NAA16: variants seen among roughly 807,000 people sequenced by gnomAD.
The protein encoded by NAA16 is N-alpha-acetyltransferase 16, NatA auxiliary subunit, also known as NARG1-like protein.
A neutral mutation model predicts 110.3 loss-of-function variants in NAA16; 97 were observed. The ratio of observed to expected loss-of-function variants is 0.88; its 90% CI spans 0.75 to 1.04. The LOEUF (loss-of-function observed/expected upper bound fraction) is 1.04, where lower values mean the gene tolerates loss of function less well. Among genes scored for constraint, NAA16 ranks in the 50% least tolerant of loss-of-function variants. The pLI, the probability that NAA16 is intolerant of heterozygous loss-of-function variation, is 0.00. For synonymous variants in NAA16, 372 were observed against 330.6 expected, an observed-to-expected ratio of 1.13 and a Z score of -1.36; for missense variants, 1,017 against 1,005.1, an observed-to-expected ratio of 1.01 and a Z score of -0.16.
At chr13:41,315,327 C>T (rs531093379) in intron 1 of NAA16, among the ~76,000 whole-genome samples, 1 of 152,252 alleles carries the variant, frequency 6.6e-6, no homozygotes, top group South Asian at 2.1e-4. Flanking sequence ...CCCAGTGTGA[C>T]TGAACAATGT....
rs115014829 is a variant in NAA16, at chr13:41,355,834, C to A, written c.1087+618C>A. 3.7e-3 allele frequency among the ~76,000 whole-genome samples: 568 copies of A among 152,300 alleles called. 3 individuals carry two copies. The highest frequency in any genetic ancestry group is 0.013 in the African/African-American group (551 of 41,558). ...CCTGTTTTTCCTGAATCCCTAAATTCTCTGCTTTTTCTACCCTCTTATTAC... is the reference window on the plus strand; with the variant it reads ...CCTGTTTTTCCTGAATCCCTAAATTATCTGCTTTTTCTACCCTCTTATTAC... On this transcript the variant is annotated intron_variant, in intron 10 of 19. Coordinates refer to ENST00000379406, the MANE Select transcript of NAA16 (RefSeq NM_024561.5).
At chr13:41,330,448 A>G (rs942785965) in intron 7 of NAA16, among the ~76,000 whole-genome samples, 1 of 152,040 alleles carries the variant, frequency 6.6e-6, no homozygotes, top group African/African-American at 2.4e-5. Context: ...GGTTTAGACC[A>G]CAGAATTTGG....
chr13:41,372,778 T>C lies in NAA16; in HGVS notation c.2103T>C (p.Ile701=). The C allele has an allele frequency of 3.7e-6, 6 of 1,604,898 alleles. No individual in the cohort carries two copies. In the East Asian group the frequency reaches 1.3e-4, roughly 36 times the overall value. Residue 701 remains isoleucine, a synonymous_variant, in exon 17 of 20, where the codon ATT becomes ATC. Coordinates refer to ENST00000379406, the MANE Select transcript of NAA16 (RefSeq NM_024561.5). ...MLQSVKRAFA[I]NSNNPWLHEC... is the part of the protein sequence containing the mutation. ...AGTCTGTCAAACGAGCTTTTGCCAT[T>C]AACAGTAATAACCCATGGTTACATG...
intron 5 of NAA16, among the ~76,000 whole-genome samples, chr13:41,324,862 G>A (rs570697552): frequency 1.3e-5 from 2 of 150,604 alleles, no homozygotes; most frequent in South Asian, 4.2e-4. Context: ...GTATACCACT[G>A]TGCCTGACAA....
chr13:41,349,155 G>T (rs1239576264), intron 9 of NAA16, among the ~76,000 whole-genome samples: 3 of 151,418 alleles, frequency 2.0e-5, no homozygotes, highest in Non-Finnish European at 3.0e-5. Context: ...GGTTTAATTT[G>T]GTCTTTTTTC....
intron 9 of NAA16, among the ~76,000 whole-genome samples, chr13:41,350,596 A>G (rs1593487466): frequency 8.6e-6 from 1 of 115,746 alleles, no homozygotes; most frequent in East Asian, 2.5e-4. Flanking sequence ...GCGCCCTGCC[A>G]GTTTTTTTTT....
At position 41,320,812 on chromosome 13, in the gene NAA16, T is replaced by G. The variant is rs764009361; in HGVS notation, c.390T>G (p.Leu130=). Residue 130 remains leucine (L), a synonymous_variant, in exon 4 of 20, where the codon CTT becomes CTG. Transcript: ENST00000379406. The stretch of plus-strand genomic sequence containing the variant: ...TGTTGCAGATCCAAATGAGAGACCT[T>G]GAAGGTTACCGAGTAAGTACTTCAT... ...LSLLQIQMRD[L]EGYRETRYQL... is the part of the protein sequence containing the mutation. 1.1e-5 allele frequency: 18 copies of G among 1,604,088 alleles called. No individual in the cohort carries two copies. Among genetic ancestry groups the G allele is most frequent in the Non-Finnish European group, 1.4e-5 (16 of 1,177,260 alleles).
intron 13 of NAA16, among the ~76,000 whole-genome samples, chr13:41,365,727 G>A (rs2043195377): frequency 6.6e-6 from 1 of 152,184 alleles, no homozygotes; most frequent in South Asian, 2.1e-4. Context: ...ATTTATGGAA[G>A]ACATTAACTG....
At chr13:41,330,006 T>A (rs1408664081) in intron 7 of NAA16, among the ~76,000 whole-genome samples, 1 of 129,322 alleles carries the variant, frequency 7.7e-6, no homozygotes, top group East Asian at 2.3e-4. Context: ...TACGGCTTGT[T>A]ATATCTAGGG....
chr13:41,340,052 T>C lies in NAA16; in HGVS notation c.1014+3296T>C, dbSNP rs201342193. The stretch of plus-strand genomic sequence containing the variant: ...TGTTCTTGTCTTTTATAAATAAGAA[T>C]AAAATATTACTAAAAATATATTTAT... On this transcript the variant is annotated intron_variant, in intron 9 of 19. Coordinates refer to ENST00000379406, the MANE Select transcript of NAA16 (RefSeq NM_024561.5). Among the ~76,000 whole-genome samples the C allele has an allele frequency of 3.1e-4, 47 of 152,252 alleles. No homozygotes were observed. The East Asian group carries it at 4.8e-3, about 16-fold the overall frequency.
intron 9 of NAA16, among the ~76,000 whole-genome samples, chr13:41,343,275 A>T (rs2042599993): frequency 6.6e-6 from 1 of 152,072 alleles, no homozygotes; most frequent in African/African-American, 2.4e-5. Context: ...TAATTTGTAG[A>T]GATGGGGTCT....
intron 9 of NAA16, among the ~76,000 whole-genome samples, chr13:41,341,242 A>G (rs563915207): frequency 2.6e-5 from 4 of 152,324 alleles, no homozygotes; most frequent in African/African-American, 4.8e-5. Context: ...AGATTTCAGT[A>G]TCTTTCATGC....
intron 9 of NAA16, among the ~76,000 whole-genome samples, chr13:41,342,214 T>G (rs2042570603): frequency 6.6e-6 from 1 of 151,194 alleles, no homozygotes; most frequent in South Asian, 2.1e-4. Flanking sequence ...CTCGGCTCAC[T>G]GCAACTTCCG....
rs1411708094 is a variant in NAA16 at position 41,373,563 on chromosome 13, G to C, written c.2156-74G>C. ...GTGAGCCACCGCGCCCAGCCATAAA[G>C]GGTTTTCAGTAGGTTTTTTTTTTTT... On this transcript the variant is annotated intron_variant, in intron 17 of 19. Transcript: ENST00000379406. 11 of 1,466,330 alleles carry C rather than the reference G, an allele frequency of 7.5e-6. No homozygotes were observed. In the African/African-American group the frequency reaches 8.7e-5, roughly 12 times the overall value. The allele number at this position is 1,466,330 out of a possible 1,614,324, so 90.8% of individuals were successfully genotyped here.
rs536627972 is a variant in NAA16, at chr13:41,368,098, C to G, written c.1753+446C>G. 2.6e-3 allele frequency among the ~76,000 whole-genome samples: 392 copies of G among 152,002 alleles called. 2 individuals are homozygous for G. Among genetic ancestry groups the G allele is most frequent in the African/African-American group, 9.0e-3 (375 of 41,504 alleles). ...TGTCTGTGGACTAGTTTTTTTCTTT[C>G]TTTTTTAAAAAATTGTAACTGAAAA... On this transcript the variant is annotated intron_variant, in intron 14 of 19. Transcript: ENST00000379406.
At chr13:41,362,350 T>A in intron 13 of NAA16, 191 bp downstream of exon 13, 1 of 534,112 alleles carries the variant, frequency 1.9e-6, no homozygotes, top group Middle Eastern at 5.1e-4. Flanking sequence ...GTGATTATGC[T>A]TTTGACATGT....
intron 9 of NAA16, among the ~76,000 whole-genome samples, chr13:41,354,172 A>G (rs1055906315): frequency 6.6e-6 from 1 of 152,220 alleles, no homozygotes; most frequent in Non-Finnish European, 1.5e-5. Context: ...CGTATACTGC[A>G]GCATCATGTG....
At chr13:41,313,476 A>C (rs1455397339) in intron 1 of NAA16, among the ~76,000 whole-genome samples, 3 of 152,238 alleles carry the variant, frequency 2.0e-5, no homozygotes, top group Non-Finnish European at 1.5e-5. Context: ...AATGTGGGTA[A>C]AATTTGGCTA....
At chr13:41,324,598 AC>A (rs1261116857) in intron 5 of NAA16, among the ~76,000 whole-genome samples, 4 of 147,358 alleles carry the variant, frequency 2.7e-5, no homozygotes, top group African/African-American at 1.0e-4. Flanking sequence ...CTGGTCTCAA[AC>A]TCCTGACCTT....
Sources: allele counts gnomAD v4.1 joint callset (sites outside exome capture counted in the v4.1 genomes callset), GRCh38; gene constraint gnomAD v4.1.1; transcripts MANE v1.5; gene names NCBI Gene and HGNC (gene_info 2026-07-23, HGNC 2026-07-21).